CIMIP2A: variants seen among roughly 807,000 people sequenced by gnomAD.
The protein encoded by CIMIP2A is ciliary microtubule inner protein 2A.
chr9:137,252,277 A>G, the CIMIP2A span: 2 of 1,354,210 alleles, frequency 1.5e-6, no homozygotes, highest in African/African-American at 2.9e-5. Context: ...CAGCACCTGT[A>G]AGGAGGCCTG....
the CIMIP2A span, among the ~76,000 whole-genome samples, chr9:137,248,239 T>C: frequency 6.6e-6 from 1 of 152,140 alleles, no homozygotes. Flanking sequence ...CAGGAAGGAC[T>C]TCCTAACCAT....
At chr9:137,247,571 TCA>T in the CIMIP2A span, 2 of 1,263,934 alleles carry the variant, frequency 1.6e-6, no homozygotes, top group Non-Finnish European at 2.3e-6. Context: ...TCTGGGCCCC[TCA>T]CAGCTGGCCT....
chr9:137,243,926 C>A, the CIMIP2A span: 1 of 1,044,094 alleles, frequency 9.6e-7, no homozygotes, highest in Non-Finnish European at 1.4e-6. Context: ...TTGTTGAAGG[C>A]AGGCCTGTCC....
the CIMIP2A span, among the ~76,000 whole-genome samples, chr9:137,246,534 C>T: frequency 2.6e-5 from 4 of 151,860 alleles, no homozygotes; most frequent in South Asian, 2.1e-4. Flanking sequence ...GAGGCTGAGG[C>T]GGGCGGATCA....
the CIMIP2A span, chr9:137,252,904 C>T: frequency 3.8e-6 from 6 of 1,597,932 alleles, no homozygotes; most frequent in African/African-American, 1.3e-5. Context: ...GCCTGCAGAG[C>T]CCCCGCTCGC....
the CIMIP2A span, chr9:137,243,920 T>TG: frequency 9.2e-7 from 1 of 1,088,104 alleles, no homozygotes. Flanking sequence ...ACTTGCTTGT[T>TG]GAAGGCAGGC....
chr9:137,245,835 C>T, the CIMIP2A span: 38 of 1,504,296 alleles, frequency 2.5e-5, no homozygotes, highest in East Asian at 1.8e-4. Flanking sequence ...AGCGCAGCTG[C>T]GGAAAGAAGC....
chr9:137,252,118 G>T, the CIMIP2A span: 1 of 1,611,116 alleles, frequency 6.2e-7, no homozygotes, highest in Non-Finnish European at 8.5e-7. Flanking sequence ...AGCATCGGCT[G>T]CAAGCACCAG....
the CIMIP2A span, among the ~76,000 whole-genome samples, chr9:137,243,945 G>A: frequency 6.6e-6 from 1 of 152,134 alleles, no homozygotes; most frequent in African/African-American, 2.4e-5. Context: ...CCTGTTCCAG[G>A]TACCCAACCT....
At chr9:137,249,398 G>A in the CIMIP2A span, among the ~76,000 whole-genome samples, 1 of 152,176 alleles carries the variant, frequency 6.6e-6, no homozygotes, top group African/African-American at 2.4e-5. Context: ...GAAGCTGTCT[G>A]GCATTCTGGT....
At chr9:137,244,230 G>A in the CIMIP2A span, 24 of 1,613,768 alleles carry the variant, frequency 1.5e-5, no homozygotes, top group Non-Finnish European at 2.0e-5. Context: ...GTGGTTGCTG[G>A]GCCAGTGTGT....
the CIMIP2A span, chr9:137,251,407 G>T: frequency 1.3e-6 from 2 of 1,596,788 alleles, no homozygotes; most frequent in Admixed American, 3.4e-5. Flanking sequence ...GTAACTGGCG[G>T]AGAGGGGGAG....
At chr9:137,247,532 G>T in the CIMIP2A span, 1 of 847,604 alleles carries the variant, frequency 1.2e-6, no homozygotes, top group Non-Finnish European at 1.9e-6. Context: ...GTGCCCCGTG[G>T]TGTGGCCTTC....
At chr9:137,247,826 A>G in the CIMIP2A span, 1 of 1,086,030 alleles carries the variant, frequency 9.2e-7, no homozygotes, top group Non-Finnish European at 1.4e-6. Flanking sequence ...CATTGTGGGC[A>G]CCTCCTGGGC....
At chr9:137,253,044 G>T in the CIMIP2A span, 1 of 1,212,968 alleles carries the variant, frequency 8.2e-7, no homozygotes, top group Non-Finnish European at 1.2e-6. Context: ...GGGGCCGGGG[G>T]TGGGAACTGG....
At chr9:137,252,788 G>A in the CIMIP2A span, 33 of 1,562,684 alleles carry the variant, frequency 2.1e-5, no homozygotes, top group Non-Finnish European at 2.8e-5. Context: ...TGGGGCTAGG[G>A]GGCTGGGCCT....
the CIMIP2A span, chr9:137,245,740 G>T: frequency 6.3e-7 from 1 of 1,598,844 alleles, no homozygotes; most frequent in Non-Finnish European, 8.5e-7. Flanking sequence ...GGACATGGGG[G>T]ACAGCACAGA....
chr9:137,251,813 G>A, the CIMIP2A span: 1 of 1,602,446 alleles, frequency 6.2e-7, no homozygotes, highest in Non-Finnish European at 8.5e-7. Flanking sequence ...CAAAGATGAA[G>A]GAGATCCCAG....
the CIMIP2A span, chr9:137,247,614 TC>T: frequency 1.3e-6 from 2 of 1,582,550 alleles, no homozygotes; most frequent in Admixed American, 1.7e-5. Flanking sequence ...ATTCTCCCCC[TC>T]CTGCAGCCCT....
Sources: gnomAD v4.1 joint callset for allele counts (sites outside exome capture counted in the v4.1 genomes callset) on GRCh38, gnomAD v4.1.1 for gene constraint, MANE v1.5 for transcripts, NCBI Gene and HGNC (gene_info 2026-07-23, HGNC 2026-07-21) for gene names.